Variants in LIN28A observed in about 807,000 individuals in gnomAD.
The protein encoded by LIN28A is lin-28 RNA binding posttranscriptional regulator A, also known as protein lin-28 homolog A.
In LIN28A, 11 loss-of-function variants were observed where a neutral mutation model predicts 21.1. The ratio of observed to expected loss-of-function variants is 0.52; its 90% confidence interval spans 0.33 to 0.86. The LOEUF is 0.86. Ranked by LOEUF, LIN28A falls within the 40% of genes least tolerant of loss-of-function variation. The probability of loss-of-function intolerance (pLI) is 0.03; values close to 1 mark genes in which losing one functional copy is unlikely to be tolerated. For synonymous variants in LIN28A, 111 were observed against 108.7 expected (o/e 1.02, Z -0.13); for missense variants, 219 against 279.8 (o/e 0.78, Z 1.55).
chr1:26,417,892 A>G (rs958681745), intron 2 of LIN28A, among the ~76,000 whole-genome samples: 2 of 152,338 alleles, frequency 1.3e-5, no homozygotes, highest in South Asian at 4.1e-4. Flanking sequence ...GATCTGGAAT[A>G]GCCTCTTGCG....
chr1:26,418,686 C>A (rs995331483), intron 2 of LIN28A, among the ~76,000 whole-genome samples: 8 of 152,174 alleles, frequency 5.3e-5, no homozygotes, highest in Non-Finnish European at 1.0e-4. Context: ...TCCCCCTCCC[C>A]TTTAAAATAA....
In LIN28A at chr1:26,410,886, A is replaced by T. The variant is rs974964080; in HGVS notation, c.-6A>T. ...GGGCCCGGGGCCACGGGCTCAGCCGACGACCATGGGCTCCGTGTCCAACCA... is the reference window on the plus strand; with the variant it reads ...GGGCCCGGGGCCACGGGCTCAGCCGTCGACCATGGGCTCCGTGTCCAACCA... On this transcript the variant is annotated 5_prime_UTR_variant, in exon 1 of 4. Transcript: ENST00000326279. 3.1e-6 allele frequency: 5 copies of T among 1,611,394 alleles called. No homozygotes were observed. Among genetic ancestry groups the T allele is most frequent in the Non-Finnish European group, 2.5e-6 (3 of 1,179,338 alleles).
At chr1:26,422,367 C>G (rs929153515) in intron 2 of LIN28A, among the ~76,000 whole-genome samples, 6 of 151,640 alleles carry the variant, frequency 4.0e-5, no homozygotes, top group African/African-American at 1.2e-4. Context: ...AAATTAAACA[C>G]TGGTACATTT....
In LIN28A at chr1:26,411,442, C is replaced by T. The variant is rs1362913936; in HGVS notation, c.88C>T (p.Arg30Trp). 1.9e-6 allele frequency: 3 copies of T among 1,608,792 alleles called. No individual in the cohort carries two copies. Among genetic ancestry groups the T allele is most frequent in the Non-Finnish European group, 1.7e-6 (2 of 1,177,764 alleles). ...CGAGGAGGCGCCGGAGGACGCGGCC[C>T]GGGCGGCGGACGAGCCTCAGCTGCT... ...APEEAPEDAA[R>W]AADEPQLLHG... Residue 30 changes from arginine (R) to tryptophan (W), a missense_variant, in exon 2 of 4, where the codon CGG (arginine) becomes TGG (tryptophan). Physicochemically the swap from Arg to Trp is moderately radical, Grantham distance 101 (BLOSUM62 -3). Transcript: ENST00000326279. The surrounding 1 kb of genome is among the most constrained non-coding windows in gnomAD (Gnocchi z 5.4).
Position 26,426,706 on chromosome 1 carries a change from A to G in LIN28A, c.*248A>G. ...ACCAGGAGGGGGGAATCACCCTACAACCTGCATACTTTGAGTCTCCATCCC... is the reference window on the plus strand; with the variant it reads ...ACCAGGAGGGGGGAATCACCCTACAGCCTGCATACTTTGAGTCTCCATCCC... On this transcript the variant is annotated 3_prime_UTR_variant, in exon 4 of 4. Transcript: ENST00000326279. 2 of 467,110 alleles carry G rather than the reference A, an allele frequency of 4.3e-6. No individual in the cohort carries two copies. Among genetic ancestry groups the G allele is most frequent in the Admixed American group, 3.5e-5 (1 of 28,560 alleles). 28.9% of individuals were successfully genotyped at this position (467,110 alleles called of 1,614,324 possible).
chr1:26,425,469 G>T lies in LIN28A; in HGVS notation c.395G>T (p.Arg132Leu). ...CCAAAAGGAAAGAGCATGCAGAAGC[G>T]CAGATCAAAAGGAGACAGGTATGGA... ...RRPKGKSMQK[R>L]RSKGDRCYNC... The change falls in exon 3 of 4, where the codon CGC becomes CTC. Residue 132 changes from arginine to leucine, a missense_variant. Coordinates refer to ENST00000326279, the MANE Select transcript of LIN28A (RefSeq NM_024674.6). The T allele has an allele frequency of 6.2e-6, 10 of 1,614,030 alleles. No individual in the cohort carries two copies. The highest frequency in any genetic ancestry group is 7.6e-6 in the Non-Finnish European group (9 of 1,179,972).
chr1:26,415,243 G>C (rs2074986086), intron 2 of LIN28A, among the ~76,000 whole-genome samples: 2 of 152,318 alleles, frequency 1.3e-5, no homozygotes, highest in Admixed American at 1.3e-4. Context: ...TGCTGAAATT[G>C]CCCTGTAGCC....
At chr1:26,424,217 C>T (rs1352311709) in intron 2 of LIN28A, among the ~76,000 whole-genome samples, 1 of 151,834 alleles carries the variant, frequency 6.6e-6, no homozygotes, top group Non-Finnish European at 1.5e-5. Context: ...TATTTCAGTG[C>T]TTCATAGCGT....
Position 26,428,186 on chromosome 1 carries a change from A to G in LIN28A, c.*1728A>G, listed in dbSNP as rs1276456896. The G allele has an allele frequency of 2.0e-5, 3 of 152,712 alleles. No homozygotes were observed. The South Asian group carries it at 6.2e-4, about 32-fold the overall frequency. The allele number at this position is 152,712 out of a possible 1,614,324, so 9.5% of individuals were successfully genotyped here. ...TGTTTACAAACTTCTTTTTGTATTG[A>G]GAGAAAAATAGCCAAAGCATCTTTG... On this transcript the variant is annotated 3_prime_UTR_variant, in exon 4 of 4. Coordinates refer to ENST00000326279, the MANE Select transcript of LIN28A (RefSeq NM_024674.6).
At chr1:26,416,448 T>C (rs1383380233) in intron 2 of LIN28A, among the ~76,000 whole-genome samples, 2 of 152,226 alleles carry the variant, frequency 1.3e-5, no homozygotes, top group Non-Finnish European at 2.9e-5. Flanking sequence ...CTAATCACAC[T>C]CTACTGGAAT....
At chr1:26,423,407 CTTTTTCTTTT>C (rs1217800135) in intron 2 of LIN28A, among the ~76,000 whole-genome samples, 1 of 72,434 alleles carries the variant, frequency 1.4e-5, no homozygotes, top group Non-Finnish European at 2.6e-5. Context: ...CCTTTTTTTT[CTTTTTCTTTT>C]TTTTTTTTTT....
At chr1:26,418,909 A>C (rs527376997) in intron 2 of LIN28A, among the ~76,000 whole-genome samples, 2 of 152,316 alleles carry the variant, frequency 1.3e-5, no homozygotes, top group East Asian at 3.9e-4. Flanking sequence ...AGGAAGAAAC[A>C]GTTGAATGTG....
rs1268290262 is a variant in LIN28A at position 26,410,884 on chromosome 1, C to T, written c.-8C>T. The T allele has an allele frequency of 5.0e-6, 8 of 1,611,664 alleles. No homozygotes were observed. Among genetic ancestry groups the T allele is most frequent in the East Asian group, 2.2e-5 (1 of 44,768 alleles). On this transcript the variant is annotated 5_prime_UTR_variant, in exon 1 of 4. Coordinates refer to ENST00000326279, the MANE Select transcript of LIN28A (RefSeq NM_024674.6). The stretch of plus-strand genomic sequence containing the variant: ...AGGGGCCCGGGGCCACGGGCTCAGC[C>T]GACGACCATGGGCTCCGTGTCCAAC...
rs200810987 is a variant in LIN28A at position 26,418,537 on chromosome 1, CT to C, written c.229-6761del. ...CTCCGGCCTGGGCAACAGAGCCAGA[CT>C]TTTTAAAAAAAAAAAAAAGAAAAAG... On this transcript the variant is annotated intron_variant, in intron 2 of 3. Transcript: ENST00000326279. Among the ~76,000 whole-genome samples the C allele has an allele frequency of 3.7e-3, 386 of 105,394 alleles. 1 individual carries two copies. Among genetic ancestry groups the C allele is most frequent in the African/African-American group, 0.016 (379 of 24,138 alleles). The allele number at this position is 105,394 out of a possible 152,430, so 69.1% of individuals were successfully genotyped here.
At chr1:26,413,757 C>T (rs2074975801) in intron 2 of LIN28A, among the ~76,000 whole-genome samples, 1 of 151,590 alleles carries the variant, frequency 6.6e-6, no homozygotes, top group African/African-American at 2.4e-5. Flanking sequence ...CCCACCTTAA[C>T]CGTAAGTTAG....
chr1:26,415,260 C>T (rs2074986243), intron 2 of LIN28A, among the ~76,000 whole-genome samples: 1 of 152,104 alleles, frequency 6.6e-6, no homozygotes, highest in Non-Finnish European at 1.5e-5. Flanking sequence ...AGCCAGGTGG[C>T]CTTCTTTTTC....
chr1:26,425,251 T>C, intron 2 of LIN28A, 52 bp from the exon 3 acceptor site: 2 of 1,556,112 alleles, frequency 1.3e-6, no homozygotes, highest in African/African-American at 1.4e-5. Flanking sequence ...CCTTGTCTTT[T>C]GGTATAATAA....
At chr1:26,417,860 G>T (rs376320260) in intron 2 of LIN28A, among the ~76,000 whole-genome samples, 1 of 152,134 alleles carries the variant, frequency 6.6e-6, no homozygotes, top group Non-Finnish European at 1.5e-5. Flanking sequence ...AGAATCTTCC[G>T]GCTGGAATGG....
Position 26,411,351 on chromosome 1 carries a change from C to A in LIN28A, c.32-35C>A, listed in dbSNP as rs1182740432. 1 of 1,507,744 alleles carries A rather than the reference C, an allele frequency of 6.6e-7. No individual in the cohort carries two copies. The highest frequency in any genetic ancestry group is 8.8e-7 in the Non-Finnish European group (1 of 1,134,190). 93.4% of individuals were successfully genotyped at this position (1,507,744 alleles called of 1,614,324 possible). A position where few individuals can be genotyped will look rare whatever the true frequency, so the allele number is the denominator to read the frequency against. ...CCGAGACGGCCCTCCGATTCCGTGC[C>A]CCCCAGCTAAGTGCCCGGCCCTCCC... is the stretch of plus-strand genomic sequence containing the variant. On this transcript the variant is annotated intron_variant, in intron 1 of 3. Transcript: ENST00000326279. The surrounding 1 kb of genome is among the most constrained non-coding windows in gnomAD (Gnocchi z 5.4).
Sources: allele counts gnomAD v4.1 joint callset (sites outside exome capture counted in the v4.1 genomes callset), GRCh38; gene constraint gnomAD v4.1.1; non-coding constraint Gnocchi (gnomAD v3.1); transcripts MANE v1.5; gene names NCBI Gene and HGNC (gene_info 2026-07-23, HGNC 2026-07-21).